DYSF: variants seen among roughly 807,000 people sequenced by gnomAD.
DYSF encodes dysferlin.
In DYSF, 212 loss-of-function variants were observed where a neutral mutation model predicts 274.9. The observed-to-expected ratio is 0.77, with a 90% CI of 0.69 to 0.86. The LOEUF (loss-of-function observed/expected upper bound fraction) is 0.86, where lower values mean the gene tolerates loss of function less well. DYSF is among the 40% of genes least tolerant of loss of function. The pLI is 0.00. For synonymous variants in DYSF, 1,091 were observed against 1,078.7 expected, an observed-to-expected ratio of 1.01 and a Z score of -0.22; for missense variants, 2,666 against 2,783.2, an observed-to-expected ratio of 0.96 and a Z score of 0.95.
At chr2:71,573,560 C>T (rs945973140) in intron 29 of DYSF, among the ~76,000 whole-genome samples, 2 of 152,200 alleles carry the variant, frequency 1.3e-5, no homozygotes, top group Admixed American at 6.5e-5. Flanking sequence ...GTCTAGCTCC[C>T]AGGGGTGAAA....
rs754974657 is a variant in DYSF at position 71,682,563 on chromosome 2, C to T, written c.6207C>T (p.Ser2069=). The stretch of plus-strand genomic sequence containing the variant: ...ACACCTCCTTCCTGTGGTTTACCTC[C>T]CCATACAAGACCATGAAGTTCATCC... The part of the protein sequence containing the change: ...RPDTSFLWFT[S]PYKTMKFILW... The change falls in exon 55 of 56, where the codon TCC becomes TCT. Residue 2069 remains serine (S), a synonymous_variant. Transcript: ENST00000410020. 6.2e-7 allele frequency: 1 copy of T among 1,614,096 alleles called. No individual in the cohort carries two copies. Among genetic ancestry groups the T allele is most frequent in the Non-Finnish European group, 8.5e-7 (1 of 1,180,010 alleles).
chr2:71,553,590 C>T (rs1422725846), intron 20 of DYSF, among the ~76,000 whole-genome samples: 1 of 152,204 alleles, frequency 6.6e-6, no homozygotes, highest in East Asian at 1.9e-4. Flanking sequence ...GGCACCTCTT[C>T]AGACACTAGG....
At chr2:71,629,690 C>G (rs781094857) in intron 41 of DYSF, among the ~76,000 whole-genome samples, 1 of 152,160 alleles carries the variant, frequency 6.6e-6, no homozygotes, top group Non-Finnish European at 1.5e-5. Flanking sequence ...CTGGATTTTT[C>G]CTTTCTCATT....
rs70963107 is a variant in DYSF, at chr2:71,640,740, CGTGTGTGT to C, written c.4528-3202_4528-3195del. Among the ~76,000 whole-genome samples, 14 of 148,364 alleles carry C rather than the reference CGTGTGTGT, an allele frequency of 9.4e-5. 1 individual carries two copies. The highest frequency in any genetic ancestry group is 1.9e-4 in the Non-Finnish European group (13 of 66,766). On this transcript the variant is annotated intron_variant, in intron 41 of 55. Transcript: ENST00000410020. ...TCTCTCTTCAGGAATGAGATTAATC[CGTGTGTGT>C]GTGTGTGTGTGTGTGTGTGTGTTGC...
chr2:71,618,368 G>A (rs1445954647), intron 40 of DYSF, among the ~76,000 whole-genome samples: 2 of 2,360 alleles, frequency 8.5e-4, no homozygotes, highest in African/African-American at 2.6e-3. Flanking sequence ...TGTGGTAGAG[G>A]TGGCATGTGT....
intron 1 of DYSF, among the ~76,000 whole-genome samples, chr2:71,455,522 G>A (rs572070938): frequency 5.9e-5 from 9 of 152,352 alleles, no homozygotes; most frequent in Non-Finnish European, 1.0e-4. Flanking sequence ...GGACATGGGA[G>A]TCTTTCATGC....
intron 3 of DYSF, among the ~76,000 whole-genome samples, chr2:71,483,434 T>C (rs2152685042): frequency 6.6e-6 from 1 of 152,260 alleles, no homozygotes. Context: ...TCAGACTGAC[T>C]TGAAGGCAGG....
At chr2:71,490,340 ATCTT>A (rs1013015966) in intron 3 of DYSF, among the ~76,000 whole-genome samples, 142 of 152,206 alleles carry the variant, frequency 9.3e-4, no homozygotes, top group Middle Eastern at 6.8e-3. Context: ...TTTGGTGCGT[ATCTT>A]TCTTTCTTTT....
chr2:71,454,029 A>T, exon 1 of DYSF: 2 of 1,614,082 alleles, frequency 1.2e-6, no homozygotes, highest in Non-Finnish European at 1.7e-6. Context: ...CTATGCCGAG[A>T]ACGTCCACAC....
Position 71,658,946 on chromosome 2 carries a change from G to T in DYSF, c.4824G>T (p.Gln1608His), listed in dbSNP as rs548887370. 1 of 1,614,158 alleles carries T rather than the reference G, an allele frequency of 6.2e-7. No homozygotes were observed. Among genetic ancestry groups the T allele is most frequent in the East Asian group, 2.2e-5 (1 of 44,876 alleles). The change falls in exon 44 of 56, where the codon CAG (glutamine) becomes CAT (histidine). Residue 1608 changes from glutamine to histidine, a missense_variant. By Grantham distance (24) the Gln-to-His change is conservative. Coordinates refer to ENST00000410020, the MANE Select transcript of DYSF (RefSeq NM_001130987.2). ...AIPMPPRQFH[Q>H]LAAQGPQECL... ...CCATGCCCCCAAGACAGTTCCACCA[G>T]CTGGCCGCCCAGGGACCCCAGGAGT...
At chr2:71,655,403 G>T (rs227784) in intron 42 of DYSF, among the ~76,000 whole-genome samples, 3 of 152,122 alleles carry the variant, frequency 2.0e-5, no homozygotes, top group African/African-American at 7.2e-5. Flanking sequence ...AATAATATTT[G>T]GAAAGATGAT....
intron 53 of DYSF, among the ~76,000 whole-genome samples, chr2:71,679,881 G>A (rs2095274876): frequency 6.6e-6 from 1 of 151,998 alleles, no homozygotes; most frequent in Non-Finnish European, 1.5e-5. Context: ...ACCAATGTCT[G>A]CAAAGCATTT....
At chr2:71,616,867 AC>A (rs1381943079) in intron 40 of DYSF, among the ~76,000 whole-genome samples, 1 of 151,424 alleles carries the variant, frequency 6.6e-6, no homozygotes, top group African/African-American at 2.4e-5. Flanking sequence ...TCTGTCTCTG[AC>A]TTCATTTCTA....
chr2:71,624,793 G>A (rs892854809), intron 41 of DYSF, among the ~76,000 whole-genome samples: 3 of 152,054 alleles, frequency 2.0e-5, no homozygotes, highest in African/African-American at 4.8e-5. Flanking sequence ...TTTCAGGAAC[G>A]CATATCTTAT....
At chr2:71,504,169 G>T (rs1284942369) in intron 4 of DYSF, among the ~76,000 whole-genome samples, 1 of 152,166 alleles carries the variant, frequency 6.6e-6, no homozygotes, top group Non-Finnish European at 1.5e-5. Flanking sequence ...CTAGAGAAAA[G>T]GAACCACTGA....
intron 32 of DYSF, among the ~76,000 whole-genome samples, chr2:71,592,233 G>A (rs959710002): frequency 1.3e-5 from 2 of 152,154 alleles, no homozygotes; most frequent in African/African-American, 4.8e-5. Flanking sequence ...CTCCTCCAAG[G>A]GCCCAGCACT....
chr2:71,574,495 G>A, intron 30 of DYSF, 124 bp downstream of exon 30: 1 of 1,218,300 alleles, frequency 8.2e-7, no homozygotes. Context: ...ACGCTGGCTG[G>A]TCATCCTGGC....
chr2:71,641,047 T>G (rs1305606735), intron 41 of DYSF, among the ~76,000 whole-genome samples: 1 of 152,208 alleles, frequency 6.6e-6, no homozygotes, highest in Non-Finnish European at 1.5e-5. Flanking sequence ...TTTTCTAAGA[T>G]TCTGTCATTG....
chr2:71,560,869 G>T (rs2091703948), intron 22 of DYSF, among the ~76,000 whole-genome samples: 1 of 152,052 alleles, frequency 6.6e-6, no homozygotes, highest in African/African-American at 2.4e-5. Flanking sequence ...GTGAGGTGGG[G>T]GCAGGGCAGC....
Sources: allele counts gnomAD v4.1 joint callset (sites outside exome capture counted in the v4.1 genomes callset), GRCh38; gene constraint gnomAD v4.1.1; transcripts MANE v1.5; gene names NCBI Gene and HGNC (gene_info 2026-07-23, HGNC 2026-07-21).